Variants in ASMTL observed in about 807,000 individuals in gnomAD.
ASMTL encodes the protein probable bifunctional dTTP/UTP pyrophosphatase/methyltransferase protein.
Under a neutral mutation model 60.3 loss-of-function variants are expected in ASMTL, and 57 were observed. That is an observed-to-expected ratio of 0.95 (90% CI 0.76 to 1.18). The LOEUF is 1.18. ASMTL is among the 50% of genes most tolerant of loss of function. The pLI, the probability that ASMTL is intolerant of heterozygous loss-of-function variation, is 0.00. For synonymous variants in ASMTL, 419 were observed against 373.0 expected, an observed-to-expected ratio of 1.12 and a Z score of -1.42; for missense variants, 981 against 852.6, an observed-to-expected ratio of 1.15 and a Z score of -1.88.
intron 8 of ASMTL, among the ~76,000 whole-genome samples, chrX:1,424,646 A>G (rs1320509054): frequency 4.0e-5 from 6 of 148,412 alleles, no homozygotes; most frequent in Admixed American, 4.0e-4. Flanking sequence ...CCATCTATGC[A>G]CTCATCCACC....
chrX:1,432,235 T>A, intron 6 of ASMTL, 34 bp downstream of exon 6: 1 of 1,543,306 alleles, frequency 6.5e-7, no homozygotes, highest in Non-Finnish European at 8.9e-7. Flanking sequence ...CTTCCACACG[T>A]GTCCCCCGTC....
In ASMTL at chrX:1,425,675, C is replaced by A. The variant is rs371287922; in HGVS notation, c.910G>T (p.Ala304Ser). ...AAATCGAACACCTTCAGTTTGCAAG[C>A]GGTGAGCAGGCCCTGTTAAAAGCAA... is the stretch of plus-strand genomic sequence containing the variant. ...GFMLSKGLLT[A>S]CKLKVFDLLK... The change falls in exon 8 of 13, where the codon GCT becomes TCT. Residue 304 changes from alanine (A) to serine (S), a missense_variant. Transcript: ENST00000381317. 1.2e-6 allele frequency: 2 copies of A among 1,613,314 alleles called. No homozygotes were observed. The highest frequency in any genetic ancestry group is 2.7e-5 in the African/African-American group (2 of 74,922).
At chrX:1,444,527 T>TCCTCCTTCTTA (rs1261998792) in intron 1 of ASMTL, among the ~76,000 whole-genome samples, 1 of 152,090 alleles carries the variant, frequency 6.6e-6, no homozygotes, top group Non-Finnish European at 1.5e-5. Context: ...TATATTTGTT[T>TCCTCCTTCTTA]CCTCCTTCTT....
At chrX:1,415,765 C>T (rs1167214639) in intron 11 of ASMTL, among the ~76,000 whole-genome samples, 1 of 152,234 alleles carries the variant, frequency 6.6e-6, no homozygotes, top group Non-Finnish European at 1.5e-5. Flanking sequence ...TGTGCCCAGC[C>T]TTGTCCACCT....
intron 8 of ASMTL, among the ~76,000 whole-genome samples, chrX:1,422,907 G>A (rs1353919596): frequency 6.6e-6 from 1 of 152,012 alleles, no homozygotes; most frequent in Non-Finnish European, 1.5e-5. Flanking sequence ...CATGGTGCCG[G>A]TGATGAAAAG....
intron 10 of ASMTL, 76 bp from the exon 11 acceptor site, chrX:1,418,192 G>A: frequency 1.3e-6 from 2 of 1,482,994 alleles, no homozygotes; most frequent in Non-Finnish European, 1.8e-6. Flanking sequence ...CTCAACTGGG[G>A]CAGAAGTAAT....
intron 6 of ASMTL, among the ~76,000 whole-genome samples, chrX:1,430,008 G>A (rs1465541187): frequency 1.3e-5 from 2 of 150,912 alleles, no homozygotes; most frequent in Non-Finnish European, 2.9e-5. Flanking sequence ...AACTTCTCCC[G>A]TCTCACTTAA....
chrX:1,439,186 G>A, intron 2 of ASMTL, 42 bp from the exon 3 acceptor site: 1 of 1,606,280 alleles, frequency 6.2e-7, no homozygotes, highest in South Asian at 1.1e-5. Flanking sequence ...GACGTGCCGT[G>A]GGTCTCACAG....
intron 1 of ASMTL, among the ~76,000 whole-genome samples, chrX:1,451,855 G>T (rs1305884534): frequency 7.0e-6 from 1 of 143,002 alleles, no homozygotes; most frequent in Non-Finnish European, 1.5e-5. Flanking sequence ...CATCCATGGG[G>T]CTCCGGGGTC....
At chrX:1,413,135 G>T in intron 11 of ASMTL, 1 of 443,982 alleles carries the variant, frequency 2.3e-6, no homozygotes, top group Non-Finnish European at 4.1e-6. Context: ...GCCTGAGGTG[G>T]GCAGATTGTC....
At chrX:1,431,841 C>T (rs1404470734) in intron 6 of ASMTL, 3 of 183,088 alleles carry the variant, frequency 1.6e-5, no homozygotes, top group Non-Finnish European at 3.5e-5. Context: ...GATTGGTGCA[C>T]GCATACTTCC....
chrX:1,435,747 C>A lies in ASMTL; in HGVS notation c.285G>T (p.Gly95=), dbSNP rs1411411040. 3 of 1,613,474 alleles carry A rather than the reference C, an allele frequency of 1.9e-6. No homozygotes were observed. Among genetic ancestry groups the A allele is most frequent in the African/African-American group, 1.3e-5 (1 of 74,984 alleles). The change falls in exon 4 of 13, where the codon GGG becomes GGT. Residue 95 remains glycine, a synonymous_variant. Transcript: ENST00000381317. ...IGADTIVTVG[G]LILEKPVDKQ... ...TGTCCACCGGCTTCTCCAGAATCAG[C>A]CCCCCGACTGTCTGTGAGAGGAAGG...
At position 1,418,868 on chromosome X, in the gene ASMTL, G is replaced by C; in HGVS notation, c.1378+114C>G. On this transcript the variant is annotated intron_variant, in intron 10 of 12. Transcript: ENST00000381317. Reference sequence around the variant, plus strand: ...TGGGACTCAGCCTGGCCCGGTTCAGGTCGTTATCAGGTTTGTCAATGGAAA... The same window carrying C: ...TGGGACTCAGCCTGGCCCGGTTCAGCTCGTTATCAGGTTTGTCAATGGAAA... 2.2e-6 allele frequency: 3 copies of C among 1,360,102 alleles called. No individual in the cohort carries two copies. In the East Asian group the frequency reaches 7.0e-5, roughly 32 times the overall value. 84.3% of individuals were successfully genotyped at this position (1,360,102 alleles called of 1,614,324 possible). A position where few individuals can be genotyped will look rare whatever the true frequency, so the allele number is the denominator to read the frequency against.
At chrX:1,435,340 G>A (rs777152299) in intron 4 of ASMTL, 10 of 611,838 alleles carry the variant, frequency 1.6e-5, no homozygotes, top group South Asian at 5.9e-5. Flanking sequence ...GGCCTATGGC[G>A]GGCAGGGGGT....
chrX:1,418,096 G>C lies in ASMTL; in HGVS notation c.1399C>G (p.Arg467Gly). 6.2e-7 allele frequency: 1 copy of C among 1,610,080 alleles called. No individual in the cohort carries two copies. Among genetic ancestry groups the C allele is most frequent in the Non-Finnish European group, 8.5e-7 (1 of 1,177,348 alleles). ...CGAGGGTACTCACGGGCCAGCTCTC[G>C]GGCCAGTGCACCCGTGCAGCCTGCG... ...DVGGCTGALA[R>G]ELAREYPRMQ... is the part of the protein sequence containing the mutation. Residue 467 changes from arginine to glycine, a missense_variant, in exon 11 of 13, where the codon CGA (arginine) becomes GGA (glycine). Transcript: ENST00000381317.
At chrX:1,430,223 G>A (rs2090732873) in intron 6 of ASMTL, among the ~76,000 whole-genome samples, 1 of 151,976 alleles carries the variant, frequency 6.6e-6, no homozygotes, top group Non-Finnish European at 1.5e-5. Context: ...CCATATCCAG[G>A]CTGGTCTTGA....
chrX:1,438,150 G>A (rs1473961104), intron 3 of ASMTL, among the ~76,000 whole-genome samples: 29 of 151,888 alleles, frequency 1.9e-4, no homozygotes, highest in African/African-American at 4.1e-4. Context: ...TCAGCCGGGC[G>A]TGGTGGCGGG....
In ASMTL at chrX:1,411,879, C is replaced by T. The variant is rs758411890; in HGVS notation, c.1645+853G>A. On this transcript the variant is annotated intron_variant, in intron 12 of 12. Transcript: ENST00000381317. Reference sequence around the variant, plus strand: ...CCAGGCTGGAGTGCGGTGGCGCAGTCTCGGCTCACTGCAACCTCCGTCTCC... The same window carrying T: ...CCAGGCTGGAGTGCGGTGGCGCAGTTTCGGCTCACTGCAACCTCCGTCTCC... Among the ~76,000 whole-genome samples the T allele has an allele frequency of 2.4e-5, 3 of 127,088 alleles. No individual in the cohort carries two copies. The East Asian group carries it at 7.4e-4, about 31-fold the overall frequency. 83.4% of individuals were successfully genotyped at this position (127,088 alleles called of 152,430 possible). A position where few individuals can be genotyped will look rare whatever the true frequency, so the allele number is the denominator to read the frequency against.
At chrX:1,443,134 G>C (rs749721626) in intron 1 of ASMTL, among the ~76,000 whole-genome samples, 13 of 151,374 alleles carry the variant, frequency 8.6e-5, no homozygotes, top group African/African-American at 3.1e-4. Context: ...CGCCGTCGTG[G>C]ACACACGCCG....
Sources: gnomAD v4.1 joint callset for allele counts (sites outside exome capture counted in the v4.1 genomes callset) on GRCh38, gnomAD v4.1.1 for gene constraint, MANE v1.5 for transcripts, NCBI Gene and HGNC (gene_info 2026-07-23, HGNC 2026-07-21) for gene names.